Variants in STKLD1 observed in about 807,000 individuals in gnomAD.
STKLD1 encodes the protein serine/threonine kinase-like domain-containing protein STKLD1.
In STKLD1, 79 loss-of-function variants were observed where a neutral mutation model predicts 80.4. The ratio of observed to expected loss-of-function variants is 0.98; its 90% CI spans 0.82 to 1.19. The LOEUF (loss-of-function observed/expected upper bound fraction) is 1.19, where lower values mean the gene tolerates loss of function less well. Among genes scored for constraint, STKLD1 ranks in the 50% most tolerant of loss-of-function variants. The pLI is 0.00. For missense variants in STKLD1, 841 were observed against 856.0 expected (o/e 0.98, Z 0.22); for synonymous variants, 393 against 357.6 (o/e 1.10, Z -1.12).
At position 133,384,638 on chromosome 9, in the gene STKLD1, T is replaced by C. The variant is rs1023613404; in HGVS notation, c.219+738T>C. On this transcript the variant is annotated intron_variant, in intron 3 of 17. Coordinates refer to ENST00000371957, the MANE Select transcript of STKLD1 (RefSeq NM_153710.5). The surrounding 1 kb of genome is among the most constrained non-coding windows in gnomAD (Gnocchi z 4.3). ...ACCATTTTGCCCAGGCTAGTCTGAATTTCTGGGCTCAAGCAATCGTCCCAC... is the reference window on the plus strand; with the variant it reads ...ACCATTTTGCCCAGGCTAGTCTGAACTTCTGGGCTCAAGCAATCGTCCCAC... The C allele has an allele frequency of 6.6e-6, 1 of 151,874 alleles. No homozygotes were observed. Among genetic ancestry groups the C allele is most frequent in the Non-Finnish European group, 1.5e-5 (1 of 67,968 alleles). 9.4% of individuals were successfully genotyped at this position (151,874 alleles called of 1,614,324 possible).
intron 9 of STKLD1, 127 bp from the exon 10 acceptor site, chr9:133,397,037 A>C: frequency 7.3e-7 from 1 of 1,378,218 alleles, no homozygotes; most frequent in South Asian, 1.4e-5. Flanking sequence ...TGAATCCCAA[A>C]ACAGGGAGTT....
Position 133,394,247 on chromosome 9 carries a change from A to G in STKLD1, c.584-44A>G. The stretch of plus-strand genomic sequence containing the variant: ...GTGACTCTGTCAAGCCCCTGCCCCC[A>G]GGGAGCAAAGGACTCAGGGATCCCA... On this transcript the variant is annotated intron_variant, in intron 7 of 17. Transcript: ENST00000371957. This position sits in a 1 kb window ranked among gnomAD's most constrained non-coding sequence, Gnocchi z 4.9. 1 of 1,363,942 alleles carries G rather than the reference A, an allele frequency of 7.3e-7. No homozygotes were observed. The highest frequency in any genetic ancestry group is 1.1e-6 in the Non-Finnish European group (1 of 952,244). 84.5% of individuals were successfully genotyped at this position (1,363,942 alleles called of 1,614,324 possible).
chr9:133,400,155 C>T (rs1371195986), intron 11 of STKLD1, among the ~76,000 whole-genome samples: 2 of 152,202 alleles, frequency 1.3e-5, no homozygotes, highest in East Asian at 3.9e-4. Flanking sequence ...CCTGCTGACC[C>T]CAGGTTCCTC....
Position 133,402,932 on chromosome 9 carries a change from T to C in STKLD1, c.1394T>C (p.Leu465Pro). ...AATGCTGGGCTGCTGGAGCACATCC[T>C]GGAGCACCTCAACAGCTCCCTCGAA... ...LQNAGLLEHI[L>P]EHLNSSLESR... is the part of the protein sequence containing the mutation. Residue 465 changes from leucine (L) to proline (P), a missense_variant, in exon 14 of 18, where the codon CTG becomes CCG. Physicochemically the swap from Leu to Pro is moderately conservative, Grantham distance 98. Coordinates refer to ENST00000371957, the MANE Select transcript of STKLD1 (RefSeq NM_153710.5). The C allele has an allele frequency of 6.3e-7, 1 of 1,585,920 alleles. No individual in the cohort carries two copies. The highest frequency in any genetic ancestry group is 2.3e-5 in the East Asian group (1 of 43,324).
In STKLD1 at chr9:133,389,505, C is replaced by T; in HGVS notation, c.397-21C>T. ...GCACAGGGTGCCCCTCCCATCCTGG[C>T]ACCCCCTACTTCTCCCCCAGTGGAT... On this transcript the variant is annotated intron_variant, in intron 5 of 17. Coordinates refer to ENST00000371957, the MANE Select transcript of STKLD1 (RefSeq NM_153710.5). This position sits in a 1 kb window ranked among gnomAD's most constrained non-coding sequence, Gnocchi z 6.4. 2 of 1,612,146 alleles carry T rather than the reference C, an allele frequency of 1.2e-6. No individual in the cohort carries two copies. The highest frequency in any genetic ancestry group is 2.2e-5 in the East Asian group (1 of 44,858).
intron 13 of STKLD1, among the ~76,000 whole-genome samples, chr9:133,402,503 A>G (rs1214313662): frequency 1.3e-5 from 2 of 152,214 alleles, no homozygotes; most frequent in Non-Finnish European, 2.9e-5. Context: ...TGTCAACTGG[A>G]ACCCTCAGGC....
chr9:133,403,573 T>C (rs1031402773), intron 14 of STKLD1, 127 bp from the exon 15 acceptor site: 47 of 1,240,552 alleles, frequency 3.8e-5, no homozygotes, highest in East Asian at 5.1e-5. Flanking sequence ...CTGAGGACAG[T>C]TGACCTTTCC....
chr9:133,376,639 G>T lies in STKLD1; in HGVS notation c.87+79G>T, dbSNP rs1006524501. Reference sequence around the variant, plus strand: ...CCCTGGAGCTACGGCCGGCGGTTCCGACCGAGGGCGGCGAGGGGCCCGCGC... The same window carrying T: ...CCCTGGAGCTACGGCCGGCGGTTCCTACCGAGGGCGGCGAGGGGCCCGCGC... On this transcript the variant is annotated intron_variant, in intron 1 of 17. Transcript: ENST00000371957. 5.3e-6 allele frequency: 7 copies of T among 1,328,376 alleles called. No individual in the cohort carries two copies. The African/African-American group carries it at 9.2e-5, about 18-fold the overall frequency. The allele number at this position is 1,328,376 out of a possible 1,614,324, so 82.3% of individuals were successfully genotyped here. A position where few individuals can be genotyped will look rare whatever the true frequency, so the allele number is the denominator to read the frequency against.
At chr9:133,383,731 ATGGT>A in intron 2 of STKLD1, 121 bp from the exon 3 acceptor site, 1 of 829,938 alleles carries the variant, frequency 1.2e-6, no homozygotes, top group Non-Finnish European at 2.1e-6. Context: ...AATGATGGTG[ATGGT>A]TGTGGTGGAG....
intron 14 of STKLD1, among the ~76,000 whole-genome samples, chr9:133,403,339 GGTGGT>G (rs149296157): frequency 0.22 from 32,734 of 151,974 alleles, 5,189 homozygotes; most frequent in African/African-American, 0.45. Flanking sequence ...AGAGGGCAGC[GGTGGT>G]GTGGTGCTGG....
In STKLD1 at chr9:133,401,773, A is replaced by T. The variant is rs781877634; in HGVS notation, c.1234A>T (p.Asn412Tyr). The T allele has an allele frequency of 6.2e-7, 1 of 1,613,474 alleles. No individual in the cohort carries two copies. Among genetic ancestry groups the T allele is most frequent in the Admixed American group, 1.7e-5 (1 of 60,010 alleles). The part of the protein sequence containing the change: ...VHHPEAKAPC[N>Y]QAITSTLLSA... ...CCACCCGGAAGCCAAGGCTCCCTGC[A>T]ACCAAGCCATCACCTCCACCCTGCT... The change falls in exon 13 of 18, where the codon AAC (asparagine) becomes TAC (tyrosine). Residue 412 changes from asparagine (N) to tyrosine (Y), a missense_variant. Physicochemically the swap from Asn to Tyr is moderately radical, Grantham distance 143. Coordinates refer to ENST00000371957, the MANE Select transcript of STKLD1 (RefSeq NM_153710.5).
At chr9:133,396,252 G>T (rs1838561038) in intron 9 of STKLD1, among the ~76,000 whole-genome samples, 1 of 152,170 alleles carries the variant, frequency 6.6e-6, no homozygotes, top group Non-Finnish European at 1.5e-5. Context: ...GGGTAACATG[G>T]CGAAACCCCT....
chr9:133,404,943 C>T lies in STKLD1; in HGVS notation c.1873+14C>T. On this transcript the variant is annotated intron_variant, in intron 17 of 17. Transcript: ENST00000371957. ...TGGCTTCCTATGGTGAGAACCCCTT[C>T]TCACCTCACACTCCCTAGAGCCCAG... The T allele has an allele frequency of 6.2e-7, 1 of 1,612,624 alleles. No homozygotes were observed. Among genetic ancestry groups the T allele is most frequent in the Non-Finnish European group, 8.5e-7 (1 of 1,179,604 alleles).
rs1838246467 is a variant in STKLD1 at position 133,385,598 on chromosome 9, C to T, written c.220-19C>T. The T allele has an allele frequency of 6.2e-7, 1 of 1,612,554 alleles. No individual in the cohort carries two copies. Among genetic ancestry groups the T allele is most frequent in the South Asian group, 1.1e-5 (1 of 91,028 alleles). On this transcript the variant is annotated intron_variant, in intron 3 of 17. Coordinates refer to ENST00000371957, the MANE Select transcript of STKLD1 (RefSeq NM_153710.5). This position sits in a 1 kb window ranked among gnomAD's most constrained non-coding sequence, Gnocchi z 4.9. Reference sequence around the variant, plus strand: ...GGAGAGGCACTGACTTCTCCGTTTCCTCTGCTCTATCCTGGCAGCTGATGC... The same window carrying T: ...GGAGAGGCACTGACTTCTCCGTTTCTTCTGCTCTATCCTGGCAGCTGATGC...
chr9:133,398,556 A>G (rs781839924), intron 11 of STKLD1, among the ~76,000 whole-genome samples: 1 of 152,184 alleles, frequency 6.6e-6, no homozygotes, highest in Non-Finnish European at 1.5e-5. Flanking sequence ...AGGCGGGAGG[A>G]CTGCTTGAGC....
intron 4 of STKLD1, among the ~76,000 whole-genome samples, chr9:133,386,526 G>A (rs182738584): frequency 8.1e-4 from 123 of 152,348 alleles, no homozygotes; most frequent in Non-Finnish European, 1.5e-3. Context: ...CACCACATCC[G>A]TCATCACGTG....
chr9:133,401,026 A>G (rs1342327931), intron 12 of STKLD1, among the ~76,000 whole-genome samples: 1 of 152,044 alleles, frequency 6.6e-6, no homozygotes, highest in Non-Finnish European at 1.5e-5. Flanking sequence ...AGTTCATTTC[A>G]CTGTCCTGAT....
chr9:133,392,605 G>A (rs1838428498), intron 7 of STKLD1, among the ~76,000 whole-genome samples: 1 of 105,482 alleles, frequency 9.5e-6, no homozygotes, highest in Admixed American at 8.9e-5. Context: ...ATGGATGGGT[G>A]GATGGATGGA....
At position 133,402,976 on chromosome 9, in the gene STKLD1, A is replaced by G; in HGVS notation, c.1438A>G (p.Ser480Gly). The change falls in exon 14 of 18, where the codon AGC becomes GGC. Residue 480 changes from serine (S) to glycine (G), a missense_variant. Coordinates refer to ENST00000371957, the MANE Select transcript of STKLD1 (RefSeq NM_153710.5). ...SSLESRDVCA[S>G]GLGLLWALLL... The stretch of plus-strand genomic sequence containing the variant: ...CCTCGAAAGCAGGGACGTCTGCGCC[A>G]GCGGCCTGGGCCTGCTCTGGGCCCT... 6.3e-7 allele frequency: 1 copy of G among 1,578,320 alleles called. No homozygotes were observed. Among genetic ancestry groups the G allele is most frequent in the African/African-American group, 1.3e-5 (1 of 74,244 alleles).
Sources: gnomAD v4.1 joint callset for allele counts (sites outside exome capture counted in the v4.1 genomes callset) on GRCh38, gnomAD v4.1.1 for gene constraint, Gnocchi (gnomAD v3.1) non-coding constraint, MANE v1.5 for transcripts, NCBI Gene and HGNC (gene_info 2026-07-23, HGNC 2026-07-21) for gene names.